Variants in GALNT2 observed in about 807,000 individuals in gnomAD.
The protein encoded by GALNT2 is UDP-GalNAc:polypeptide N-acetylgalactosaminyltransferase 2.
A neutral mutation model predicts 81.4 loss-of-function variants in GALNT2; 31 were observed. The observed-to-expected ratio is 0.38, with a 90% CI of 0.29 to 0.51. The LOEUF (loss-of-function observed/expected upper bound fraction) is 0.51. Ranked by LOEUF, GALNT2 falls within the 20% of genes least tolerant of loss-of-function variation. The pLI, the probability that GALNT2 is intolerant of heterozygous loss-of-function variation, is 0.87. For missense variants in GALNT2, 629 were observed against 765.7 expected, an observed-to-expected ratio of 0.82 and a Z score of 2.11; for synonymous variants, 303 against 287.4, an observed-to-expected ratio of 1.05 and a Z score of -0.55.
chr1:230,279,195 GTCTA>G lies in GALNT2; in HGVS notation c.1561-104_1561-101del. The G allele has an allele frequency of 1.6e-6, 2 of 1,216,222 alleles. No individual in the cohort carries two copies. The highest frequency in any genetic ancestry group is 1.6e-5 in the South Asian group (1 of 63,482). The allele number at this position is 1,216,222 out of a possible 1,614,324, so 75.3% of individuals were successfully genotyped here. A position where few individuals can be genotyped will look rare whatever the true frequency, so the allele number is the denominator to read the frequency against. ...TCAGATGAGAGGCTGGGAAAAACGT[GTCTA>G]TCTGTGAGTTTTTAATGCAGCCACA... On this transcript the variant is annotated intron_variant, in intron 15 of 15. Transcript: ENST00000366672. This position sits in a 1 kb window ranked among gnomAD's most constrained non-coding sequence, Gnocchi z 4.6.
intron 1 of GALNT2, among the ~76,000 whole-genome samples, chr1:230,127,243 CCTT>C (rs1400773859): frequency 2.0e-5 from 3 of 151,902 alleles, no homozygotes; most frequent in Non-Finnish European, 2.9e-5. Flanking sequence ...GACACCTCCC[CCTT>C]CTTCTCTGTG....
intron 1 of GALNT2, among the ~76,000 whole-genome samples, chr1:230,114,044 C>T (rs977011785): frequency 5.9e-5 from 9 of 152,132 alleles, no homozygotes; most frequent in Non-Finnish European, 1.2e-4. Context: ...CCTTGGCTGT[C>T]AGAGTCTCAT....
rs572198947 is a variant in GALNT2, at chr1:230,141,347, G to A, written c.127-36871G>A. On this transcript the variant is annotated intron_variant, in intron 1 of 15. Transcript: ENST00000366672. Reference sequence around the variant, plus strand: ...AAATACATACATCATAAAATTTGCTGTCTTAACCATCCTTAAATTTACAGC... The same window carrying A: ...AAATACATACATCATAAAATTTGCTATCTTAACCATCCTTAAATTTACAGC... 1.8e-4 allele frequency among the ~76,000 whole-genome samples: 28 copies of A among 152,230 alleles called. No individual in the cohort carries two copies. The South Asian group carries it at 5.6e-3, about 30-fold the overall frequency.
At chr1:230,142,186 C>T (rs1661763133) in intron 1 of GALNT2, among the ~76,000 whole-genome samples, 2 of 152,082 alleles carry the variant, frequency 1.3e-5, no homozygotes, top group South Asian at 2.1e-4. Flanking sequence ...GGAAGGAGAA[C>T]GGTGGCATCC....
intron 2 of GALNT2, among the ~76,000 whole-genome samples, chr1:230,190,414 G>A (rs757508203): frequency 3.9e-5 from 6 of 152,172 alleles, no homozygotes; most frequent in Non-Finnish European, 1.5e-5. Context: ...GTTGGCTCCT[G>A]GGACCAAATG....
intron 1 of GALNT2, among the ~76,000 whole-genome samples, chr1:230,147,152 G>A (rs60889480): frequency 0.01 from 1,566 of 152,260 alleles, 28 homozygotes; most frequent in African/African-American, 0.036. Context: ...GCCAAGCTGG[G>A]GGAGATTTCA....
chr1:230,133,620 A>G (rs1661440540), intron 1 of GALNT2, among the ~76,000 whole-genome samples: 1 of 151,954 alleles, frequency 6.6e-6, no homozygotes, highest in African/African-American at 2.4e-5. Flanking sequence ...CGCCCAGCTA[A>G]TTTTTTGTGT....
intron 2 of GALNT2, among the ~76,000 whole-genome samples, chr1:230,188,000 G>A (rs760872672): frequency 6.6e-6 from 1 of 152,188 alleles, no homozygotes; most frequent in Non-Finnish European, 1.5e-5. Context: ...CAGGAAAACA[G>A]AAATGCATGT....
At chr1:230,249,409 A>C (rs955329827) in intron 9 of GALNT2, 138 bp downstream of exon 9, 2 of 653,416 alleles carry the variant, frequency 3.1e-6, no homozygotes, top group Non-Finnish European at 5.3e-6. Flanking sequence ...TCTCAGCTCA[A>C]AGATGAGCAC....
At chr1:230,262,529 C>G (rs796980075) in intron 11 of GALNT2, 44 bp from the exon 12 acceptor site, 2 of 1,536,654 alleles carry the variant, frequency 1.3e-6, no homozygotes, top group Non-Finnish European at 1.8e-6. Flanking sequence ...GTGATGCAGA[C>G]AGAAAGAAAG....
chr1:230,145,871 G>A (rs4846838), intron 1 of GALNT2, among the ~76,000 whole-genome samples: 128,372 of 152,220 alleles, frequency 0.84, 54,392 homozygotes, highest in African/African-American at 0.93. Flanking sequence ...TTGCTTGCCT[G>A]CCTGCCCAGC....
At chr1:230,236,489 G>C (rs1665035902) in intron 5 of GALNT2, 69 bp downstream of exon 5, 1 of 1,533,494 alleles carries the variant, frequency 6.5e-7, no homozygotes, top group South Asian at 1.1e-5. Flanking sequence ...CTGTAGTGGG[G>C]GTGCTAATGA....
At chr1:230,267,978 C>T (rs1483494509) in intron 14 of GALNT2, among the ~76,000 whole-genome samples, 2 of 152,208 alleles carry the variant, frequency 1.3e-5, no homozygotes, top group East Asian at 1.9e-4. Flanking sequence ...GAGGCGTCTC[C>T]GCTGGCTGTG....
chr1:230,100,306 A>G (rs1006574863), intron 1 of GALNT2, among the ~76,000 whole-genome samples: 2 of 102,456 alleles, frequency 2.0e-5, no homozygotes, highest in African/African-American at 3.6e-5. Flanking sequence ...GTATCTTTTT[A>G]TTCCTTTTTT....
chr1:230,095,601 G>A (rs1456206380), intron 1 of GALNT2, among the ~76,000 whole-genome samples: 1 of 152,206 alleles, frequency 6.6e-6, no homozygotes, highest in African/African-American at 2.4e-5. Flanking sequence ...AGAGGGGTTG[G>A]TGACTCCAGT....
At chr1:230,259,204 G>C (rs1665804992) in intron 11 of GALNT2, 1 of 152,176 alleles carries the variant, frequency 6.6e-6, no homozygotes. Context: ...CTTGAGACAA[G>C]AAATATTTTG....
chr1:230,211,030 G>C (rs2102713585), intron 3 of GALNT2, among the ~76,000 whole-genome samples: 1 of 152,314 alleles, frequency 6.6e-6, no homozygotes, highest in Middle Eastern at 3.4e-3. Flanking sequence ...TTTTAGGGGG[G>C]CAGAAGATCT....
intron 3 of GALNT2, among the ~76,000 whole-genome samples, chr1:230,235,520 A>G (rs1204820021): frequency 6.6e-6 from 1 of 152,218 alleles, no homozygotes; most frequent in Non-Finnish European, 1.5e-5. Flanking sequence ...CTGCTGTCCC[A>G]GGAAGGGAAA....
At chr1:230,249,977 A>C (rs149374533) in intron 9 of GALNT2, among the ~76,000 whole-genome samples, 1 of 152,276 alleles carries the variant, frequency 6.6e-6, no homozygotes, top group Non-Finnish European at 1.5e-5. Context: ...TGAAGTGAGG[A>C]GCATGGTGGG....
Sources: gnomAD v4.1 joint callset for allele counts (sites outside exome capture counted in the v4.1 genomes callset) on GRCh38, gnomAD v4.1.1 for gene constraint, Gnocchi (gnomAD v3.1) non-coding constraint, MANE v1.5 for transcripts, NCBI Gene and HGNC (gene_info 2026-07-23, HGNC 2026-07-21) for gene names.